ARHGAP39: variants seen among roughly 807,000 people sequenced by gnomAD.
ARHGAP39 encodes the protein Rho GTPase activating protein 39.
In ARHGAP39, 44 loss-of-function variants were observed where a neutral mutation model predicts 106.9. The observed-to-expected ratio is 0.41, with a 90% CI of 0.32 to 0.53. ARHGAP39 has a LOEUF of 0.53. Among genes scored for constraint, ARHGAP39 ranks in the 20% least tolerant of loss-of-function variants. ARHGAP39 has a pLI of 0.21. For synonymous variants in ARHGAP39, 768 were observed against 693.2 expected (o/e 1.11, Z -1.69); for missense variants, 1,496 against 1,577.3 (o/e 0.95, Z 0.87).
At chr8:144,652,040 A>C (rs1262693958) in intron 1 of ARHGAP39, among the ~76,000 whole-genome samples, 3 of 152,198 alleles carry the variant, frequency 2.0e-5, no homozygotes, top group Non-Finnish European at 4.4e-5. Context: ...AGATACAAAA[A>C]GCAATGGCAA....
chr8:144,580,758 G>GCGGGGCC lies in ARHGAP39; in HGVS notation c.512+87_512+88insGGCCCCG. 1.1e-5 allele frequency: 2 copies of GCGGGGCC among 185,576 alleles called. 1 individual carries two copies. The highest frequency in any genetic ancestry group is 2.1e-5 in the Non-Finnish European group (2 of 93,152). The allele number at this position is 185,576 out of a possible 1,614,324, so 11.5% of individuals were successfully genotyped here. On this transcript the variant is annotated intron_variant, in intron 3 of 11. Coordinates refer to ENST00000377307, the MANE Select transcript of ARHGAP39 (RefSeq NM_025251.3). The stretch of plus-strand genomic sequence containing the variant: ...CCTTCACCAGTCCCGCTCTCACCTG[G>GCGGGGCC]CCCCGCCCACCACCCCCTACCTGCC...
chr8:144,602,875 T>TGC (rs1820099146), intron 2 of ARHGAP39, among the ~76,000 whole-genome samples: 1 of 121,332 alleles, frequency 8.2e-6, no homozygotes, highest in Non-Finnish European at 1.7e-5. Flanking sequence ...TGTGTGCATG[T>TGC]GTGTGGTGTG....
At chr8:144,665,802 T>C (rs1821948583) in intron 1 of ARHGAP39, among the ~76,000 whole-genome samples, 1 of 152,202 alleles carries the variant, frequency 6.6e-6, no homozygotes, top group African/African-American at 2.4e-5. Context: ...GGAGCCCTCA[T>C]GGAAAACCTC....
chr8:144,644,445 A>C lies in ARHGAP39; in HGVS notation c.-81-38750T>G, dbSNP rs1195731651. Among the ~76,000 whole-genome samples, 1 of 152,210 alleles carries C rather than the reference A, an allele frequency of 6.6e-6. No individual in the cohort carries two copies. The highest frequency in any genetic ancestry group is 1.5e-5 in the Non-Finnish European group (1 of 68,030). On this transcript the variant is annotated intron_variant, in intron 1 of 11. Coordinates refer to ENST00000377307, the MANE Select transcript of ARHGAP39 (RefSeq NM_025251.3). This position sits in a 1 kb window ranked among gnomAD's most constrained non-coding sequence, Gnocchi z 4.8. ...GCAGCAGCATCTTCTAGGTGATGGA[A>C]ATGCTCAACAGGAGGTGATGGCTGC... is the stretch of plus-strand genomic sequence containing the variant.
chr8:144,568,126 G>A (rs1259456072), intron 3 of ARHGAP39, among the ~76,000 whole-genome samples: 1 of 152,078 alleles, frequency 6.6e-6, no homozygotes, highest in Non-Finnish European at 1.5e-5. Flanking sequence ...GAGGTCAGGA[G>A]TTTGAGATCA....
At chr8:144,661,996 G>A (rs1279304800) in intron 1 of ARHGAP39, among the ~76,000 whole-genome samples, 1 of 143,472 alleles carries the variant, frequency 7.0e-6, no homozygotes, top group Non-Finnish European at 1.5e-5. Flanking sequence ...TATCCACCTT[G>A]GGCCTCTTCC....
At chr8:144,539,351 C>G (rs564073320) in intron 6 of ARHGAP39, among the ~76,000 whole-genome samples, 3 of 152,354 alleles carry the variant, frequency 2.0e-5, no homozygotes, top group Admixed American at 6.5e-5. Context: ...CTTTGCGTGT[C>G]TGTGACTGGT....
At chr8:144,659,552 A>C (rs1269819303) in intron 1 of ARHGAP39, among the ~76,000 whole-genome samples, 1 of 152,202 alleles carries the variant, frequency 6.6e-6, no homozygotes, top group Admixed American at 6.5e-5. Context: ...GTGGAGAGAC[A>C]AGTGTTATTT....
At chr8:144,653,627 A>G (rs960726430) in intron 1 of ARHGAP39, among the ~76,000 whole-genome samples, 5 of 152,214 alleles carry the variant, frequency 3.3e-5, no homozygotes, top group Admixed American at 2.6e-4. Flanking sequence ...TAAGACTCCC[A>G]TGCAGAAAAC....
chr8:144,694,181 G>C, the ARHGAP39 span, among the ~76,000 whole-genome samples: 25 of 152,188 alleles, frequency 1.6e-4, no homozygotes, highest in Admixed American at 1.6e-3. Flanking sequence ...GAAATATTCT[G>C]GTTGTTGTGA....
Position 144,585,668 on chromosome 8 carries a change from C to T in ARHGAP39, c.81-4391G>A, listed in dbSNP as rs1422850479. Among the ~76,000 whole-genome samples, 1 of 152,188 alleles carries T rather than the reference C, an allele frequency of 6.6e-6. No homozygotes were observed. Among genetic ancestry groups the T allele is most frequent in the Non-Finnish European group, 1.5e-5 (1 of 68,030 alleles). The stretch of plus-strand genomic sequence containing the variant: ...GAGAGAGGATTCAGGCTTGGCGGGG[C>T]CAGGACCTCCCGCCCATGGTGCCAC... On this transcript the variant is annotated intron_variant, in intron 2 of 11. Coordinates refer to ENST00000377307, the MANE Select transcript of ARHGAP39 (RefSeq NM_025251.3). The surrounding 1 kb of genome is among the most constrained non-coding windows in gnomAD (Gnocchi z 4.6).
chr8:144,667,226 C>T (rs1261748864), intron 1 of ARHGAP39, among the ~76,000 whole-genome samples: 1 of 152,234 alleles, frequency 6.6e-6, no homozygotes, highest in African/African-American at 2.4e-5. Flanking sequence ...CCCTCCTGCT[C>T]CCACCTCACA....
At chr8:144,676,586 A>G (rs1234850436) in intron 1 of ARHGAP39, among the ~76,000 whole-genome samples, 1 of 152,250 alleles carries the variant, frequency 6.6e-6, no homozygotes, top group African/African-American at 2.4e-5. Context: ...CTAGACAGAA[A>G]AGTTCTCCAA....
Position 144,671,291 on chromosome 8 carries a change from A to G in ARHGAP39, c.-82+14395T>C, listed in dbSNP as rs1822093883. On this transcript the variant is annotated intron_variant, in intron 1 of 11. Coordinates refer to ENST00000377307, the MANE Select transcript of ARHGAP39 (RefSeq NM_025251.3). The surrounding 1 kb of genome is among the most constrained non-coding windows in gnomAD (Gnocchi z 4.5). ...TGACTTACCATTTAAAATACATCAG[A>G]ATGGGTCAAGGGTGGATAATAACTT... Among the ~76,000 whole-genome samples the G allele has an allele frequency of 6.6e-6, 1 of 152,170 alleles. No homozygotes were observed. The highest frequency in any genetic ancestry group is 1.5e-5 in the Non-Finnish European group (1 of 68,024).
intron 6 of ARHGAP39, among the ~76,000 whole-genome samples, chr8:144,544,714 T>C (rs2130836720): frequency 6.6e-6 from 1 of 152,368 alleles, no homozygotes; most frequent in African/African-American, 2.4e-5. Context: ...GGCTCCGACG[T>C]GCGACCCCAT....
At chr8:144,550,847 C>T (rs999386601) in intron 4 of ARHGAP39, among the ~76,000 whole-genome samples, 3 of 152,220 alleles carry the variant, frequency 2.0e-5, no homozygotes, top group African/African-American at 7.2e-5. Flanking sequence ...CCTGGGGACA[C>T]TGAGGGGTGA....
chr8:144,605,871 C>A (rs1433970221), intron 1 of ARHGAP39, 176 bp from the exon 2 acceptor site: 2 of 526,836 alleles, frequency 3.8e-6, no homozygotes, highest in Non-Finnish European at 6.9e-6. Context: ...CCTGGCCCTG[C>A]GTTGCAGCGA....
At chr8:144,610,287 C>G in intron 1 of ARHGAP39, among the ~76,000 whole-genome samples, 1 of 151,810 alleles carries the variant, frequency 6.6e-6, no homozygotes, top group East Asian at 1.9e-4. Context: ...CGTTTTTTTT[C>G]TATTTTTCTG....
At chr8:144,567,744 TTC>T (rs973958064) in intron 3 of ARHGAP39, among the ~76,000 whole-genome samples, 4 of 152,150 alleles carry the variant, frequency 2.6e-5, no homozygotes, top group Non-Finnish European at 4.4e-5. Context: ...CGTAAGTTGT[TTC>T]TCTCTCTCTC....
Sources: gnomAD v4.1 joint callset for allele counts (sites outside exome capture counted in the v4.1 genomes callset) on GRCh38, gnomAD v4.1.1 for gene constraint, Gnocchi (gnomAD v3.1) non-coding constraint, MANE v1.5 for transcripts, NCBI Gene and HGNC (gene_info 2026-07-23, HGNC 2026-07-21) for gene names.